Variants in ZBED6 observed in about 807,000 individuals in gnomAD.
ZBED6 encodes zinc finger BED domain-containing protein 6.
Under a neutral mutation model 58.4 loss-of-function variants are expected in ZBED6, and 40 were observed. The ratio of observed to expected loss-of-function variants is 0.68; its 90% CI spans 0.53 to 0.89. ZBED6 has a LOEUF of 0.89. ZBED6 is among the 40% of genes least tolerant of loss of function. ZBED6 has a pLI of 0.00. For synonymous variants in ZBED6, 439 were observed against 350.6 expected (o/e 1.25, Z -2.82); for missense variants, 1,057 against 1,003.9 (o/e 1.05, Z -0.71).
At chr1:203,833,955 C>A in intron 9 of ZBED6, 102 bp downstream of exon 9, 2 of 1,424,700 alleles carry the variant, frequency 1.4e-6, no homozygotes, top group South Asian at 1.6e-5. Flanking sequence ...TATTGGTGCC[C>A]CTGTATTGGC....
exon 1 of ZBED6, chr1:203,799,636 A>G: frequency 2.8e-6 from 2 of 703,446 alleles, no homozygotes; most frequent in South Asian, 3.0e-5. Context: ...GTGAGCGTGA[A>G]GACCGCAGGA....
intron 8 of ZBED6, 92 bp from the exon 9 acceptor site, chr1:203,833,699 A>T: frequency 1.0e-6 from 1 of 974,652 alleles, no homozygotes; most frequent in South Asian, 2.5e-5. Context: ...GTGGATTTAC[A>T]CTAATATCAG....
exon 17 of ZBED6, chr1:203,852,987 T>C (rs1192416682): frequency 6.5e-6 from 1 of 153,544 alleles, no homozygotes; most frequent in Non-Finnish European, 1.5e-5. Context: ...GACCTGATCT[T>C]GATGCTTCTG....
At chr1:203,828,838 G>A (rs1220025806) in intron 4 of ZBED6, among the ~76,000 whole-genome samples, 2 of 152,184 alleles carry the variant, frequency 1.3e-5, no homozygotes, top group Non-Finnish European at 2.9e-5. Context: ...AGTTGAGACA[G>A]AAACCATATG....
At chr1:203,829,925 A>G (rs1166501442) in intron 6 of ZBED6, 29 bp downstream of exon 6, 5 of 1,574,894 alleles carry the variant, frequency 3.2e-6, no homozygotes, top group East Asian at 2.2e-5. Flanking sequence ...GGTGCCTCTT[A>G]TAGCACTGTT....
intron 11 of ZBED6, among the ~76,000 whole-genome samples, chr1:203,845,986 AAGATTTC>A (rs1349813290): frequency 6.6e-6 from 1 of 151,864 alleles, no homozygotes; most frequent in African/African-American, 2.4e-5. Context: ...AGTATATTTT[AAGATTTC>A]AGACTGGGTA....
chr1:203,835,150 G>A (rs1683865170), intron 9 of ZBED6, among the ~76,000 whole-genome samples: 2 of 152,190 alleles, frequency 1.3e-5, no homozygotes, highest in African/African-American at 4.8e-5. Flanking sequence ...AATCAGTTAT[G>A]CACTTTACGC....
In ZBED6 at chr1:203,849,840, G is replaced by A. The variant is rs1688834988; in HGVS notation, c.*4452G>A. 4 of 1,614,026 alleles carry A rather than the reference G, an allele frequency of 2.5e-6. No homozygotes were observed. In the East Asian group the frequency reaches 8.9e-5, roughly 36 times the overall value. ...AGTCTTGACACCTCTTCGGGGAGATGTAGCCTCTTGCAATACCCAAGTGGC... is the reference window on the plus strand; with the variant it reads ...AGTCTTGACACCTCTTCGGGGAGATATAGCCTCTTGCAATACCCAAGTGGC... On this transcript the variant is annotated 3_prime_UTR_variant, in exon 14 of 17. Coordinates refer to ENST00000550078, the Ensembl canonical transcript of ZBED6.
chr1:203,807,441 A>G (rs374796554), intron 1 of ZBED6, among the ~76,000 whole-genome samples: 2 of 151,676 alleles, frequency 1.3e-5, no homozygotes, highest in East Asian at 3.9e-4. Flanking sequence ...GTGACTCACT[A>G]TGCCTGGCTA....
At chr1:203,850,293 A>G (rs114332406) in intron 14 of ZBED6, 198 of 686,240 alleles carry the variant, frequency 2.9e-4, no homozygotes, top group African/African-American at 2.9e-3. Flanking sequence ...CAAGGAATAG[A>G]GGAATGGTAA....
At chr1:203,811,644 G>A (rs1026241344) in intron 1 of ZBED6, among the ~76,000 whole-genome samples, 1 of 152,118 alleles carries the variant, frequency 6.6e-6, no homozygotes, top group Non-Finnish European at 1.5e-5. Flanking sequence ...GAGTAGCTGA[G>A]ACTACAGTTG....
chr1:203,841,012 T>C (rs781158172), intron 11 of ZBED6, among the ~76,000 whole-genome samples: 2 of 151,744 alleles, frequency 1.3e-5, no homozygotes, highest in Non-Finnish European at 2.9e-5. Flanking sequence ...TGTGCTAAAA[T>C]AATTGCTGTC....
exon 1 of ZBED6, chr1:203,798,575 G>A: frequency 6.5e-7 from 1 of 1,536,128 alleles, no homozygotes; most frequent in Non-Finnish European, 8.7e-7. Context: ...ATGGAGAAAA[G>A]TCTACAGGCA....
intron 3 of ZBED6, among the ~76,000 whole-genome samples, chr1:203,819,089 T>TAAAC (rs1336523998): frequency 7.1e-6 from 1 of 140,956 alleles, no homozygotes; most frequent in Non-Finnish European, 1.5e-5. Flanking sequence ...TATATATATA[T>TAAAC]ACACACACAC....
intron 11 of ZBED6, 82 bp downstream of exon 11, chr1:203,840,456 C>T (rs1050779607): frequency 3.7e-6 from 5 of 1,354,382 alleles, no homozygotes; most frequent in African/African-American, 3.0e-5. Context: ...TTACCTGTTG[C>T]TTGCTAGGGC....
In ZBED6 at chr1:203,797,616, C is replaced by T. The variant is rs1363053083; in HGVS notation, c.94C>T (p.Pro32Ser). The T allele has an allele frequency of 2.0e-6, 3 of 1,535,508 alleles. No individual in the cohort carries two copies. The South Asian group carries it at 3.6e-5, about 18-fold the overall frequency. Residue 32 changes from proline (P) to serine (S), a missense_variant, in exon 1 of 17, where the codon CCT (proline) becomes TCT (serine). Physicochemically the swap from Pro to Ser is moderately conservative, Grantham distance 74. Transcript: ENST00000550078. ...TGATTCTGGGATTCTGGGATGTGTT[C>T]CTATTAATTCTAATACAGATGAAGA...
At chr1:203,840,417 G>T in intron 11 of ZBED6, 43 bp downstream of exon 11, 2 of 1,578,824 alleles carry the variant, frequency 1.3e-6, no homozygotes, top group Non-Finnish European at 1.7e-6. Context: ...TTTTTTCTTT[G>T]CTGTAAGAGC....
chr1:203,847,435 A>G, exon 12 of ZBED6: 1 of 1,614,038 alleles, frequency 6.2e-7, no homozygotes, highest in Non-Finnish European at 8.5e-7. Flanking sequence ...TACAACTTGC[A>G]TCAAGCTAAA....
intron 4 of ZBED6, 64 bp from the exon 5 acceptor site, chr1:203,829,387 G>C: frequency 6.4e-7 from 1 of 1,558,302 alleles, no homozygotes; most frequent in Non-Finnish European, 8.8e-7. Context: ...AGGTGGTCAG[G>C]AATTTTTGGT....
Sources: allele counts gnomAD v4.1 joint callset (sites outside exome capture counted in the v4.1 genomes callset), GRCh38; gene constraint gnomAD v4.1.1; transcripts MANE v1.5; gene names NCBI Gene and HGNC (gene_info 2026-07-23, HGNC 2026-07-21).